Variants in NTM observed in about 807,000 individuals in gnomAD.
The protein encoded by NTM is IgLON family member 2.
In NTM, 13 loss-of-function variants were observed where a neutral mutation model predicts 42.1. The ratio of observed to expected loss-of-function variants is 0.31; its 90% CI spans 0.20 to 0.49. NTM has a LOEUF of 0.49. Ranked by LOEUF, NTM falls within the 20% of genes least tolerant of loss-of-function variation. The pLI, the probability that NTM is intolerant of heterozygous loss-of-function variation, is 0.99. For synonymous variants in NTM, 187 were observed against 179.2 expected (o/e 1.04, Z -0.35); for missense variants, 373 against 452.8 (o/e 0.82, Z 1.60).
intron 2 of NTM, among the ~76,000 whole-genome samples, chr11:132,123,631 G>T (rs1004405288): frequency 2.0e-5 from 3 of 152,162 alleles, no homozygotes; most frequent in Admixed American, 6.5e-5. Flanking sequence ...TGCTATATGC[G>T]CATTTGATGA....
In NTM at chr11:131,548,283, T is replaced by C. The variant is rs903409907; in HGVS notation, c.82+177395T>C. Among the ~76,000 whole-genome samples the C allele has an allele frequency of 2.0e-5, 3 of 152,238 alleles. No individual in the cohort carries two copies. The Middle Eastern group carries it at 0.01, about 518-fold the overall frequency. On this transcript the variant is annotated intron_variant, in intron 1 of 8. Coordinates refer to ENST00000683400, the MANE Select transcript of NTM (RefSeq NM_001352005.2). ...TTTGCCTCCACCACCACTCTCCCCT[T>C]GTGCATTTTTCCAAGTCGATCTTAT...
intron 1 of NTM, among the ~76,000 whole-genome samples, chr11:131,499,884 TTA>T (rs1182152300): frequency 1.3e-5 from 2 of 152,216 alleles, no homozygotes; most frequent in Non-Finnish European, 2.9e-5. Context: ...ATTATTTTGT[TTA>T]TCTTTTATTA....
intron 4 of NTM, among the ~76,000 whole-genome samples, chr11:132,299,706 ATGTT>A (rs748960748): frequency 1.6e-4 from 24 of 152,192 alleles, no homozygotes; most frequent in Non-Finnish European, 1.8e-4. Flanking sequence ...GTTGGGCTCT[ATGTT>A]TGTTATCAAC....
chr11:132,245,403 T>G (rs1591503382), intron 4 of NTM, among the ~76,000 whole-genome samples: 1 of 150,778 alleles, frequency 6.6e-6, no homozygotes, highest in South Asian at 2.1e-4. Context: ...AGGACAGAGG[T>G]GAGGAGGGAG....
intron 1 of NTM, 127 bp from the exon 2 acceptor site, chr11:131,911,437 G>T (rs1446828103): frequency 6.2e-7 from 1 of 1,613,250 alleles, no homozygotes. Flanking sequence ...CGGGGGGCGT[G>T]TGCCGTGCGG....
intron 1 of NTM, among the ~76,000 whole-genome samples, chr11:131,812,381 A>G (rs967670667): frequency 1.3e-5 from 2 of 152,200 alleles, no homozygotes; most frequent in African/African-American, 4.8e-5. Flanking sequence ...GCATTCAGGC[A>G]TGAGGATAGA....
chr11:131,764,057 A>T (rs1291934269), intron 1 of NTM, among the ~76,000 whole-genome samples: 1 of 152,056 alleles, frequency 6.6e-6, no homozygotes, highest in Non-Finnish European at 1.5e-5. Context: ...ATGCTAGGAG[A>T]CAGCAATAAT....
chr11:132,281,664 G>A (rs1398089488), intron 4 of NTM, among the ~76,000 whole-genome samples: 1 of 152,164 alleles, frequency 6.6e-6, no homozygotes, highest in Non-Finnish European at 1.5e-5. Flanking sequence ...CACAATATGT[G>A]CAGCCCAAAG....
At chr11:131,933,018 C>G (rs1243238000) in intron 2 of NTM, among the ~76,000 whole-genome samples, 3 of 152,226 alleles carry the variant, frequency 2.0e-5, no homozygotes, top group Non-Finnish European at 1.5e-5. Flanking sequence ...GCCACTAGAT[C>G]AAGAAATGTC....
At chr11:132,261,131 C>CA (rs1438304824) in intron 4 of NTM, among the ~76,000 whole-genome samples, 1 of 152,148 alleles carries the variant, frequency 6.6e-6, no homozygotes, top group African/African-American at 2.4e-5. Context: ...TGCACTAACC[C>CA]AGTGTCTTCT....
chr11:132,306,022 G>GTAGTT (rs2095065701), intron 4 of NTM, among the ~76,000 whole-genome samples: 1 of 152,192 alleles, frequency 6.6e-6, no homozygotes, highest in African/African-American at 2.4e-5. Context: ...CATACATAGT[G>GTAGTT]TAGTTTGCAT....
chr11:131,570,330 C>T (rs948860314), intron 1 of NTM, among the ~76,000 whole-genome samples: 4 of 152,208 alleles, frequency 2.6e-5, no homozygotes, highest in Non-Finnish European at 5.9e-5. Flanking sequence ...TACTCCTCGG[C>T]CGCGTTCCAG....
chr11:132,160,608 CG>C (rs763892309), intron 3 of NTM, among the ~76,000 whole-genome samples: 2 of 152,138 alleles, frequency 1.3e-5, no homozygotes, highest in Admixed American at 6.6e-5. Flanking sequence ...AATATGTGGG[CG>C]GGTGACTGGA....
chr11:132,324,868 T>G (rs2136334327), intron 7 of NTM, among the ~76,000 whole-genome samples: 1 of 150,698 alleles, frequency 6.6e-6, no homozygotes, highest in South Asian at 2.1e-4. Context: ...TAATGCCACA[T>G]ATCTACAACT....
chr11:131,373,984 A>G (rs1941593991), intron 1 of NTM, among the ~76,000 whole-genome samples: 1 of 152,202 alleles, frequency 6.6e-6, no homozygotes, highest in South Asian at 2.1e-4. Flanking sequence ...CCTGCCATGC[A>G]CAGTACACAC....
At chr11:131,526,066 G>GCT (rs3040116) in intron 1 of NTM, among the ~76,000 whole-genome samples, 27,012 of 152,074 alleles carry the variant, frequency 0.18, 2,415 homozygotes, top group Middle Eastern at 0.23. Context: ...GTGCAGGTGT[G>GCT]CTCTGGCTCA....
intron 2 of NTM, among the ~76,000 whole-genome samples, chr11:132,133,198 C>G (rs2067153514): frequency 6.6e-6 from 1 of 152,208 alleles, no homozygotes; most frequent in Non-Finnish European, 1.5e-5. Context: ...AAGTTCTCAG[C>G]AGAAACTTCA....
At chr11:131,924,987 C>T (rs1234391012) in intron 2 of NTM, among the ~76,000 whole-genome samples, 1 of 152,156 alleles carries the variant, frequency 6.6e-6, no homozygotes. Context: ...GAACCATGGC[C>T]TTTTCAAACG....
At chr11:131,554,233 T>C (rs571106496) in intron 1 of NTM, among the ~76,000 whole-genome samples, 1 of 152,338 alleles carries the variant, frequency 6.6e-6, no homozygotes, top group East Asian at 1.9e-4. Context: ...TGCCCATAGT[T>C]CCTAGGACAA....
Sources: gnomAD v4.1 joint callset for allele counts (sites outside exome capture counted in the v4.1 genomes callset) on GRCh38, gnomAD v4.1.1 for gene constraint, MANE v1.5 for transcripts, NCBI Gene and HGNC (gene_info 2026-07-23, HGNC 2026-07-21) for gene names.